RNLS: variants seen among roughly 807,000 people sequenced by gnomAD.
RNLS encodes the protein renalase.
RNLS carries 39 observed loss-of-function variants against 39.8 expected under a neutral mutation model. The observed-to-expected ratio is 0.98, with a 90% confidence interval of 0.76 to 1.28. The LOEUF is 1.28. RNLS is among the 50% of genes most tolerant of loss of function. The pLI is 0.00. For synonymous variants in RNLS, 147 were observed against 150.7 expected (o/e 0.98, Z 0.18); for missense variants, 410 against 413.3 (o/e 0.99, Z 0.07).
intron 5 of RNLS, among the ~76,000 whole-genome samples, chr10:88,318,347 A>C (rs2133076281): frequency 6.6e-6 from 1 of 152,340 alleles, no homozygotes; most frequent in African/African-American, 2.4e-5. Context: ...AGGAAGTGGC[A>C]CCAATCGGTG....
the RNLS span, among the ~76,000 whole-genome samples, chr10:88,234,839 G>T: frequency 2.0e-5 from 3 of 152,190 alleles, no homozygotes; most frequent in African/African-American, 7.2e-5. Flanking sequence ...TTTTAGAAGA[G>T]ACCAGGAAGG....
intron 4 of RNLS, among the ~76,000 whole-genome samples, chr10:88,495,746 C>T (rs1043526901): frequency 6.6e-6 from 1 of 151,952 alleles, no homozygotes; most frequent in African/African-American, 2.4e-5. Flanking sequence ...ATATGGAAAA[C>T]TGGTTTGGGT....
At chr10:88,581,306 A>G (rs1850535341) in intron 3 of RNLS, among the ~76,000 whole-genome samples, 1 of 147,888 alleles carries the variant, frequency 6.8e-6, no homozygotes, top group Non-Finnish European at 1.5e-5. Context: ...ATATATATAT[A>G]TATATATATA....
At chr10:88,259,650 T>A in the RNLS span, among the ~76,000 whole-genome samples, 1 of 152,218 alleles carries the variant, frequency 6.6e-6, no homozygotes, top group African/African-American at 2.4e-5. Context: ...GAGTTGTGTG[T>A]AGAACATGCA....
At chr10:88,423,279 A>G (rs2133770051) in intron 4 of RNLS, among the ~76,000 whole-genome samples, 1 of 152,316 alleles carries the variant, frequency 6.6e-6, no homozygotes, top group Admixed American at 6.5e-5. Flanking sequence ...TATATGCTAC[A>G]CGTATGCTGA....
In RNLS at chr10:88,547,606, G is replaced by T. The variant is rs576253120; in HGVS notation, c.526+25297C>A. 3.3e-3 allele frequency among the ~76,000 whole-genome samples: 503 copies of T among 152,210 alleles called. 4 individuals carry two copies. The highest frequency in any genetic ancestry group is 2.4e-3 in the Non-Finnish European group (164 of 67,998). ...AAACCTTTTTCTCTAGACATAAAGA[G>T]AATTATAAGCATAGCACTAAAATGT... On this transcript the variant is annotated intron_variant, in intron 4 of 6. Coordinates refer to ENST00000331772, the MANE Select transcript of RNLS (RefSeq NM_001031709.3).
the RNLS span, among the ~76,000 whole-genome samples, chr10:88,231,079 T>TGG: frequency 6.6e-6 from 1 of 152,216 alleles, no homozygotes; most frequent in Admixed American, 6.5e-5. Flanking sequence ...CTCCCTCCTT[T>TGG]TTAATCATAT....
intron 4 of RNLS, among the ~76,000 whole-genome samples, chr10:88,449,351 G>A (rs534383147): frequency 6.6e-6 from 1 of 152,156 alleles, no homozygotes; most frequent in Non-Finnish European, 1.5e-5. Context: ...CATGTATCCA[G>A]ATCCCTGTGG....
downstream of RNLS, among the ~76,000 whole-genome samples, chr10:88,272,257 G>A (rs917543834): frequency 3.9e-5 from 6 of 152,174 alleles, no homozygotes; most frequent in African/African-American, 1.2e-4. Flanking sequence ...CACAGAAACA[G>A]AAGCTTTATG....
chr10:88,490,977 T>A (rs1844843080), intron 4 of RNLS, among the ~76,000 whole-genome samples: 1 of 152,200 alleles, frequency 6.6e-6, no homozygotes, highest in African/African-American at 2.4e-5. Flanking sequence ...ATAGTATTCT[T>A]ATAAGTTGTG....
chr10:88,403,809 A>G (rs1488272086), intron 4 of RNLS, among the ~76,000 whole-genome samples: 1 of 151,748 alleles, frequency 6.6e-6, no homozygotes, highest in African/African-American at 2.4e-5. Context: ...CCGATGCAGG[A>G]GGATCACTTG....
rs148206042 is a variant in RNLS at position 88,369,930 on chromosome 10, C to T, written c.527-7205G>A. The stretch of plus-strand genomic sequence containing the variant: ...TGAACTCCTGACCTCAAATGATCCA[C>T]CCGCCTTGGCCTCCCAAAGTGTTGG... On this transcript the variant is annotated intron_variant, in intron 4 of 6. Coordinates refer to ENST00000331772, the MANE Select transcript of RNLS (RefSeq NM_001031709.3). Among the ~76,000 whole-genome samples the T allele has an allele frequency of 1.9e-3, 283 of 152,312 alleles. 1 individual carries two copies. Among genetic ancestry groups the T allele is most frequent in the African/African-American group, 6.3e-3 (262 of 41,586 alleles).
intron 4 of RNLS, among the ~76,000 whole-genome samples, chr10:88,469,822 C>CAT (rs762300586): frequency 7.2e-6 from 1 of 138,130 alleles, no homozygotes; most frequent in African/African-American, 2.8e-5. Flanking sequence ...TATGTGTGTG[C>CAT]GTGTGTGTGT....
At chr10:88,448,247 G>C (rs921435288) in intron 4 of RNLS, among the ~76,000 whole-genome samples, 5 of 152,320 alleles carry the variant, frequency 3.3e-5, no homozygotes, top group African/African-American at 1.2e-4. Flanking sequence ...AAAAGTGTTT[G>C]CAATATACTC....
At chr10:88,390,639 T>C (rs1228247750) in intron 4 of RNLS, among the ~76,000 whole-genome samples, 1 of 152,138 alleles carries the variant, frequency 6.6e-6, no homozygotes, top group African/African-American at 2.4e-5. Flanking sequence ...AAAAAACAAC[T>C]AACAGCTGGC....
chr10:88,498,380 A>G (rs1416002557), intron 4 of RNLS, among the ~76,000 whole-genome samples: 1 of 151,594 alleles, frequency 6.6e-6, no homozygotes, highest in African/African-American at 2.4e-5. Context: ...TTTCAAATAT[A>G]CCAGGGTCAT....
chr10:88,287,603 C>T (rs1480089335), intron 6 of RNLS, among the ~76,000 whole-genome samples: 1 of 152,080 alleles, frequency 6.6e-6, no homozygotes, highest in Non-Finnish European at 1.5e-5. Flanking sequence ...TTCCCTGAGA[C>T]TGGGTAATTT....
chr10:88,224,354 T>C, the RNLS span, among the ~76,000 whole-genome samples: 3 of 152,166 alleles, frequency 2.0e-5, no homozygotes, highest in Non-Finnish European at 4.4e-5. Flanking sequence ...ACATTGGTCA[T>C]TAAGCTTCAA....
chr10:88,514,903 G>A (rs559380079), intron 4 of RNLS, among the ~76,000 whole-genome samples: 6 of 152,176 alleles, frequency 3.9e-5, no homozygotes, highest in East Asian at 1.9e-4. Flanking sequence ...ACTCAGAAGC[G>A]GGATTGGATT....
Sources: gnomAD v4.1 joint callset for allele counts (sites outside exome capture counted in the v4.1 genomes callset) on GRCh38, gnomAD v4.1.1 for gene constraint, MANE v1.5 for transcripts, NCBI Gene and HGNC (gene_info 2026-07-23, HGNC 2026-07-21) for gene names.